The following AGBL4 variants were observed in gnomAD, a reference collection of about 807,000 sequenced individuals.
The protein encoded by AGBL4 is cytosolic carboxypeptidase 6.
AGBL4 carries 58 observed loss-of-function variants against 66.4 expected under a neutral mutation model. The observed-to-expected ratio is 0.87, with a 90% CI of 0.71 to 1.09. The LOEUF (loss-of-function observed/expected upper bound fraction) is 1.09, where lower values mean the gene tolerates loss of function less well. Ranked by LOEUF, AGBL4 falls within the 50% of genes least tolerant of loss-of-function variation. AGBL4 has a pLI of 0.00. For synonymous variants in AGBL4, 234 were observed against 222.9 expected, an observed-to-expected ratio of 1.05 and a Z score of -0.44; for missense variants, 579 against 631.0, an observed-to-expected ratio of 0.92 and a Z score of 0.88.
At chr1:49,475,145 C>A (rs754299120) in intron 3 of AGBL4, among the ~76,000 whole-genome samples, 2 of 151,934 alleles carry the variant, frequency 1.3e-5, no homozygotes, top group African/African-American at 2.4e-5. Context: ...ATTTAACATG[C>A]AAGCATGTTG....
At chr1:49,767,703 C>T (rs944677346) in intron 2 of AGBL4, among the ~76,000 whole-genome samples, 2 of 151,918 alleles carry the variant, frequency 1.3e-5, no homozygotes, top group Admixed American at 6.6e-5. Context: ...CAATAGAACA[C>T]TAGCTAGACT....
intron 5 of AGBL4, among the ~76,000 whole-genome samples, chr1:48,943,528 C>T (rs75872956): frequency 0.029 from 4,345 of 152,290 alleles, 185 homozygotes; most frequent in African/African-American, 0.1. Context: ...CCCACTGAGG[C>T]ATGCTCTAAG....
At chr1:48,965,485 G>C (rs903184241) in intron 5 of AGBL4, among the ~76,000 whole-genome samples, 4 of 152,152 alleles carry the variant, frequency 2.6e-5, no homozygotes, top group African/African-American at 4.8e-5. Context: ...TTTTATCCCA[G>C]GAAGGAGCAG....
In AGBL4 at chr1:49,783,159, T is replaced by C. The variant is rs1192775707; in HGVS notation, c.157+68237A>G. Among the ~76,000 whole-genome samples the C allele has an allele frequency of 3.3e-5, 5 of 152,168 alleles. No individual in the cohort carries two copies. In the East Asian group the frequency reaches 7.7e-4, roughly 23 times the overall value. ...TGATGTTTATGAGCAACCCAGTCTA[T>C]GGTATTTTATTATAGCAGCCTGAAC... is the stretch of plus-strand genomic sequence containing the variant. On this transcript the variant is annotated intron_variant, in intron 2 of 13. Coordinates refer to ENST00000371839, the MANE Select transcript of AGBL4 (RefSeq NM_032785.4).
chr1:49,231,214 A>G (rs1650283773), intron 4 of AGBL4, among the ~76,000 whole-genome samples: 1 of 152,226 alleles, frequency 6.6e-6, no homozygotes, highest in Non-Finnish European at 1.5e-5. Flanking sequence ...GGAAAGTTAC[A>G]CAAATTGCTC....
chr1:48,561,207 T>A (rs1263755413), intron 11 of AGBL4, among the ~76,000 whole-genome samples: 2 of 152,234 alleles, frequency 1.3e-5, no homozygotes, highest in Non-Finnish European at 2.9e-5. Context: ...ATAGCTTTTT[T>A]TAAAGCTTCT....
At chr1:49,991,280 T>C (rs1659921039) in intron 1 of AGBL4, among the ~76,000 whole-genome samples, 1 of 152,168 alleles carries the variant, frequency 6.6e-6, no homozygotes. Flanking sequence ...CAATATAATA[T>C]GAATTCCCCT....
At chr1:49,456,567 T>A (rs946487249) in intron 3 of AGBL4, among the ~76,000 whole-genome samples, 11 of 151,730 alleles carry the variant, frequency 7.2e-5, no homozygotes, top group African/African-American at 2.4e-4. Flanking sequence ...AGGCAATTTA[T>A]TTATTTTAAA....
At chr1:49,602,833 A>C (rs1429645158) in intron 3 of AGBL4, among the ~76,000 whole-genome samples, 1 of 148,618 alleles carries the variant, frequency 6.7e-6, no homozygotes, top group Non-Finnish European at 1.5e-5. Context: ...ATAAATAAAT[A>C]AATAAATAAA....
intron 3 of AGBL4, among the ~76,000 whole-genome samples, chr1:49,593,355 C>T (rs960435770): frequency 4.0e-5 from 6 of 151,658 alleles, no homozygotes; most frequent in Non-Finnish European, 5.9e-5. Context: ...TGCAGTGAGC[C>T]GAGATCACAC....
At chr1:48,730,408 T>A (rs964819626) in intron 6 of AGBL4, among the ~76,000 whole-genome samples, 2 of 152,236 alleles carry the variant, frequency 1.3e-5, no homozygotes, top group African/African-American at 4.8e-5. Flanking sequence ...TCTACGAAAG[T>A]AGCATTTCAA....
At chr1:48,949,078 C>T (rs1656753277) in intron 5 of AGBL4, among the ~76,000 whole-genome samples, 1 of 152,086 alleles carries the variant, frequency 6.6e-6, no homozygotes, top group African/African-American at 2.4e-5. Flanking sequence ...AAACTGAGTA[C>T]AAGACTCTTG....
intron 1 of AGBL4, among the ~76,000 whole-genome samples, chr1:49,874,169 A>C (rs1646911072): frequency 6.6e-6 from 1 of 152,134 alleles, no homozygotes; most frequent in African/African-American, 2.4e-5. Context: ...TTTAAGAAAA[A>C]AAAATGAACC....
chr1:48,634,638 C>G (rs1557843013), intron 8 of AGBL4, 34 bp from the exon 9 acceptor site: 2 of 1,479,328 alleles, frequency 1.4e-6, no homozygotes, highest in South Asian at 1.3e-5. Flanking sequence ...TCAATATAGA[C>G]AGGATAAGCT....
intron 3 of AGBL4, among the ~76,000 whole-genome samples, chr1:49,681,725 A>G (rs1449918255): frequency 6.6e-6 from 1 of 152,184 alleles, no homozygotes. Context: ...AAGTCATAAA[A>G]CAGTGTTTCT....
chr1:49,427,957 AG>A (rs1333109204), intron 3 of AGBL4, among the ~76,000 whole-genome samples: 1 of 152,108 alleles, frequency 6.6e-6, no homozygotes, highest in Non-Finnish European at 1.5e-5. Flanking sequence ...CTGACTGGTG[AG>A]TTTACAAACC....
At chr1:49,564,490 C>T (rs1376649766) in intron 3 of AGBL4, among the ~76,000 whole-genome samples, 1 of 152,028 alleles carries the variant, frequency 6.6e-6, no homozygotes, top group African/African-American at 2.4e-5. Flanking sequence ...GTGTCCCAGA[C>T]ATTCTGGTAT....
intron 8 of AGBL4, among the ~76,000 whole-genome samples, chr1:48,646,634 CT>C (rs528340744): frequency 6.7e-6 from 1 of 150,354 alleles, no homozygotes; most frequent in Non-Finnish European, 1.5e-5. Flanking sequence ...TCTCTACCTC[CT>C]TTTTATGTCT....
At chr1:48,676,909 T>C (rs1424610478) in intron 6 of AGBL4, among the ~76,000 whole-genome samples, 3 of 152,092 alleles carry the variant, frequency 2.0e-5, no homozygotes, top group East Asian at 1.9e-4. Flanking sequence ...CTAATTTGCA[T>C]TGTGGCTGCA....
Sources: gnomAD v4.1 joint callset for allele counts (sites outside exome capture counted in the v4.1 genomes callset) on GRCh38, gnomAD v4.1.1 for gene constraint, MANE v1.5 for transcripts, NCBI Gene and HGNC (gene_info 2026-07-23, HGNC 2026-07-21) for gene names.